Variants in LRRC37A2 observed in about 807,000 individuals in gnomAD.
LRRC37A2 encodes leucine-rich repeat-containing protein 37A2.
In LRRC37A2, 9 loss-of-function variants were observed where a neutral mutation model predicts 68.8. The observed-to-expected ratio is 0.13, with a 90% CI of 0.08 to 0.23. The LOEUF (loss-of-function observed/expected upper bound fraction) is 0.23. Among genes scored for constraint, LRRC37A2 ranks in the 10% least tolerant of loss-of-function variants. The pLI, the probability that LRRC37A2 is intolerant of heterozygous loss-of-function variation, is 1.00. For missense variants in LRRC37A2, 168 were observed against 950.4 expected (o/e 0.18, Z 10.82); for synonymous variants, 63 against 367.6 (o/e 0.17, Z 9.48).
chr17:46,715,834 A>G, the LRRC37A2 span, among the ~76,000 whole-genome samples: 1 of 152,240 alleles, frequency 6.6e-6, no homozygotes, highest in Non-Finnish European at 1.5e-5. Flanking sequence ...TCAGATGAGT[A>G]GAAAGCTAGG....
At chr17:46,872,592 C>T in the LRRC37A2 span, 86 of 1,611,244 alleles carry the variant, frequency 5.3e-5, no homozygotes, top group Non-Finnish European at 6.6e-5. Context: ...GCGGGGCCCA[C>T]CTGAAGCAGT....
the LRRC37A2 span, among the ~76,000 whole-genome samples, chr17:46,703,698 A>C: frequency 6.3e-3 from 941 of 149,640 alleles, 7 homozygotes; most frequent in African/African-American, 0.015. Context: ...AAAAAAAAAA[A>C]AAAAAACAAA....
chr17:46,877,141 T>C, the LRRC37A2 span: 1 of 963,030 alleles, frequency 1.0e-6, no homozygotes, highest in South Asian at 4.8e-5. Flanking sequence ...AGGCAGGCAG[T>C]GCCAGCTGGA....
the LRRC37A2 span, among the ~76,000 whole-genome samples, chr17:46,792,402 A>G: frequency 6.6e-6 from 1 of 152,212 alleles, no homozygotes; most frequent in Admixed American, 6.5e-5. Flanking sequence ...GTAGTGAAGA[A>G]CTTCACCAAT....
the LRRC37A2 span, among the ~76,000 whole-genome samples, chr17:46,872,025 T>C: frequency 6.6e-6 from 1 of 152,144 alleles, no homozygotes; most frequent in Non-Finnish European, 1.5e-5. Context: ...GTCCGCTCAA[T>C]GTCCACATCC....
the LRRC37A2 span, among the ~76,000 whole-genome samples, chr17:46,980,618 C>A: frequency 2.1e-5 from 3 of 145,382 alleles, no homozygotes; most frequent in Non-Finnish European, 4.5e-5. Flanking sequence ...GTCAGGAGAT[C>A]GAGACCATCC....
chr17:46,787,756 C>T, the LRRC37A2 span, among the ~76,000 whole-genome samples: 18 of 152,288 alleles, frequency 1.2e-4, 1 homozygote, highest in South Asian at 3.3e-3. Context: ...GAGTTCGAGA[C>T]CAGCCTGGCC....
intron 8 of LRRC37A2, among the ~76,000 whole-genome samples, chr17:46,542,393 TGAG>T (rs1338856908): frequency 2.0e-5 from 3 of 148,490 alleles, no homozygotes; most frequent in African/African-American, 7.8e-5. Flanking sequence ...TTTGTAGAAA[TGAG>T]GTCTCAGTAT....
At chr17:46,783,744 T>TCAGGTGGAGC in the LRRC37A2 span, among the ~76,000 whole-genome samples, 1 of 152,088 alleles carries the variant, frequency 6.6e-6, no homozygotes, top group Non-Finnish European at 1.5e-5. Context: ...CTAGGGGCCC[T>TCAGGTGGAGC]CAGGTGGAGC....
At chr17:46,792,763 C>T in the LRRC37A2 span, among the ~76,000 whole-genome samples, 208 of 152,358 alleles carry the variant, frequency 1.4e-3, no homozygotes, top group Non-Finnish European at 2.0e-3. Context: ...TGAGCCATCA[C>T]GCCTGGCCAG....
the LRRC37A2 span, among the ~76,000 whole-genome samples, chr17:46,751,311 T>G: frequency 1.3e-5 from 2 of 152,232 alleles, no homozygotes; most frequent in Non-Finnish European, 2.9e-5. Flanking sequence ...AGATACCAGT[T>G]TTCACTTTCA....
the LRRC37A2 span, chr17:46,935,129 A>G: frequency 1.9e-6 from 3 of 1,614,124 alleles, no homozygotes; most frequent in South Asian, 1.1e-5. Context: ...GATGGGCACA[A>G]TATTTTAGAT....
chr17:46,852,325 A>C, the LRRC37A2 span, among the ~76,000 whole-genome samples: 1 of 151,390 alleles, frequency 6.6e-6, no homozygotes, highest in South Asian at 2.1e-4. Flanking sequence ...GGGAAATGCG[A>C]CCACATCTCA....
At chr17:46,501,939 C>A in the LRRC37A2 span, among the ~76,000 whole-genome samples, 2 of 151,262 alleles carry the variant, frequency 1.3e-5, no homozygotes, top group Non-Finnish European at 2.9e-5. Context: ...GGTTCCACTT[C>A]CTGTGACTGA....
At chr17:46,914,650 CAAAAAAAAAAAAAA>C in the LRRC37A2 span, among the ~76,000 whole-genome samples, 1 of 72,510 alleles carries the variant, frequency 1.4e-5, no homozygotes, top group East Asian at 4.3e-4. Context: ...GACTCCACCT[CAAAAAAAAAAAAAA>C]AAAAAAAAAG....
At chr17:46,768,689 G>A in the LRRC37A2 span, 3 of 1,614,126 alleles carry the variant, frequency 1.9e-6, no homozygotes, top group Non-Finnish European at 2.5e-6. This position sits in a 1 kb window ranked among gnomAD's most constrained non-coding sequence, Gnocchi z 5.0. Context: ...TGTCCTTGAG[G>A]AAGTCACCGA....
At chr17:46,610,103 C>CTT in the LRRC37A2 span, among the ~76,000 whole-genome samples, 3 of 73,368 alleles carry the variant, frequency 4.1e-5, 1 homozygote, top group African/African-American at 1.2e-4. Flanking sequence ...CTCTCTTTCT[C>CTT]TCTCTCTCTC....
the LRRC37A2 span, among the ~76,000 whole-genome samples, chr17:46,784,698 C>A: frequency 6.6e-6 from 1 of 151,960 alleles, no homozygotes; most frequent in Admixed American, 6.6e-5. Flanking sequence ...GAGGTCCCCA[C>A]GAGATGCACA....
the LRRC37A2 span, among the ~76,000 whole-genome samples, chr17:46,987,063 C>T: frequency 2.0e-5 from 3 of 152,040 alleles, no homozygotes; most frequent in African/African-American, 4.8e-5. Context: ...CTGGCTGACA[C>T]GGTGGCCCGT....
Sources: gnomAD v4.1 joint callset for allele counts (sites outside exome capture counted in the v4.1 genomes callset) on GRCh38, gnomAD v4.1.1 for gene constraint, Gnocchi (gnomAD v3.1) non-coding constraint, MANE v1.5 for transcripts, NCBI Gene and HGNC (gene_info 2026-07-23, HGNC 2026-07-21) for gene names.